The following NCAPH variants were observed in gnomAD, a reference collection of about 807,000 sequenced individuals.
NCAPH encodes condensin complex subunit 2.
A neutral mutation model predicts 85.5 loss-of-function variants in NCAPH; 38 were observed. The ratio of observed to expected loss-of-function variants is 0.44; its 90% CI spans 0.34 to 0.58. The LOEUF (loss-of-function observed/expected upper bound fraction) is 0.58. Ranked by LOEUF, NCAPH falls within the 20% of genes least tolerant of loss-of-function variation. The pLI is 0.01. For synonymous variants in NCAPH, 301 were observed against 335.1 expected (o/e 0.90, Z 1.11); for missense variants, 789 against 916.6 (o/e 0.86, Z 1.80).
chr2:96,360,705 A>G lies in NCAPH; in HGVS notation c.1582A>G (p.Thr528Ala). ...TLVQLHLKPG[T>A]RLLKMAQGHR... ...GGTCCAGCTTCACCTCAAACCAGGC[A>G]CCAGGGTAAGCCTATTTCTTGGTTC... The change falls in exon 12 of 18, where the codon ACC becomes GCC. Residue 528 changes from threonine to alanine, a missense_variant. By Grantham distance (58) the Thr-to-Ala change is moderately conservative. Transcript: ENST00000240423. 2 of 1,614,156 alleles carry G rather than the reference A, an allele frequency of 1.2e-6. No individual in the cohort carries two copies. The highest frequency in any genetic ancestry group is 1.7e-6 in the Non-Finnish European group (2 of 1,180,010).
chr2:96,367,584 G>A (rs558237822), intron 15 of NCAPH, among the ~76,000 whole-genome samples: 1 of 152,166 alleles, frequency 6.6e-6, no homozygotes, highest in Non-Finnish European at 1.5e-5. Flanking sequence ...GGAGTTTGAG[G>A]TTACAGTGAG....
chr2:96,366,674 C>T (rs959585398), intron 14 of NCAPH, among the ~76,000 whole-genome samples: 1 of 151,942 alleles, frequency 6.6e-6, no homozygotes, highest in Non-Finnish European at 1.5e-5. Flanking sequence ...GTCAGGAGTT[C>T]GAGACCAGCC....
At chr2:96,367,414 G>T in intron 15 of NCAPH, 41 bp downstream of exon 15, 1 of 1,454,254 alleles carries the variant, frequency 6.9e-7, no homozygotes. Flanking sequence ...CCAGCATGCG[G>T]GAGGGGAGTG....
At chr2:96,360,952 C>T (rs1011852225) in intron 12 of NCAPH, among the ~76,000 whole-genome samples, 2 of 151,920 alleles carry the variant, frequency 1.3e-5, no homozygotes, top group African/African-American at 4.8e-5. Flanking sequence ...CTGAAGCCTC[C>T]ATGCTGAAAT....
At chr2:96,340,089 AT>A (rs2064271425) in intron 1 of NCAPH, among the ~76,000 whole-genome samples, 2 of 151,696 alleles carry the variant, frequency 1.3e-5, no homozygotes, top group African/African-American at 4.8e-5. Flanking sequence ...CGTTCAGCTA[AT>A]TTTTGTATTT....
chr2:96,336,026 G>A (rs2064209028), intron 1 of NCAPH, among the ~76,000 whole-genome samples, 178 bp downstream of exon 1: 2 of 152,152 alleles, frequency 1.3e-5, no homozygotes, highest in Non-Finnish European at 2.9e-5. Context: ...CGCGGGGCGG[G>A]CGGACCTTGT....
chr2:96,373,081 G>A (rs1351895840), intron 17 of NCAPH, among the ~76,000 whole-genome samples: 4 of 152,084 alleles, frequency 2.6e-5, no homozygotes, highest in Non-Finnish European at 5.9e-5. Context: ...GAGAAGGCTT[G>A]CTTTTTGCTT....
chr2:96,361,806 G>GTGTA (rs1489438360), intron 12 of NCAPH, among the ~76,000 whole-genome samples: 4 of 76,778 alleles, frequency 5.2e-5, no homozygotes, highest in African/African-American at 9.1e-5. Context: ...ATATATATGT[G>GTGTA]TATATATATA....
chr2:96,343,071 G>A, intron 4 of NCAPH, 95 bp from the exon 5 acceptor site: 3 of 1,517,236 alleles, frequency 2.0e-6, no homozygotes, highest in South Asian at 2.5e-5. Flanking sequence ...GCTTCCTTGG[G>A]GCAAGTAAAT....
chr2:96,355,767 G>A (rs1300897195), intron 9 of NCAPH, among the ~76,000 whole-genome samples: 1 of 150,924 alleles, frequency 6.6e-6, no homozygotes, highest in Non-Finnish European at 1.5e-5. Context: ...TTAGCCTCCC[G>A]AGTAGCTGGG....
chr2:96,369,210 C>T (rs2064739612), intron 16 of NCAPH, 147 bp downstream of exon 16: 2 of 944,716 alleles, frequency 2.1e-6, no homozygotes, highest in East Asian at 2.6e-5. Context: ...TACAGACCAA[C>T]TTTTAAAAAG....
intron 6 of NCAPH, among the ~76,000 whole-genome samples, chr2:96,345,624 C>T (rs4907311): frequency 0.32 from 48,510 of 152,048 alleles, 8,260 homozygotes; most frequent in South Asian, 0.69. Flanking sequence ...ATGTCCCAGA[C>T]CCTGCATCAC....
intron 15 of NCAPH, among the ~76,000 whole-genome samples, 157 bp downstream of exon 15, chr2:96,367,530 C>G (rs1215324366): frequency 6.6e-6 from 1 of 152,196 alleles, no homozygotes; most frequent in Non-Finnish European, 1.5e-5. Flanking sequence ...CACGTGTAAT[C>G]CCAGCATTTT....
intron 9 of NCAPH, among the ~76,000 whole-genome samples, chr2:96,358,014 C>T (rs1457350938): frequency 1.3e-5 from 2 of 152,120 alleles, no homozygotes; most frequent in African/African-American, 4.8e-5. Flanking sequence ...AATCCTGACA[C>T]GCCTGTAATC....
rs1293788025 is a variant in NCAPH at position 96,374,730 on chromosome 2, A to G, written c.*1379A>G. 6.6e-6 allele frequency among the ~76,000 whole-genome samples: 1 copy of G among 152,200 alleles called. No homozygotes were observed. The highest frequency in any genetic ancestry group is 1.5e-5 in the Non-Finnish European group (1 of 68,030). Reference sequence around the variant, plus strand: ...AGAAAAAGCAGTGGTGCCACAGGTGAGACTCCACACTCTGTCTTGCTGGGG... The same window carrying G: ...AGAAAAAGCAGTGGTGCCACAGGTGGGACTCCACACTCTGTCTTGCTGGGG... On this transcript the variant is annotated 3_prime_UTR_variant, in exon 18 of 18. Coordinates refer to ENST00000240423, the MANE Select transcript of NCAPH (RefSeq NM_015341.5).
chr2:96,345,217 A>C (rs912064547), intron 6 of NCAPH, among the ~76,000 whole-genome samples: 1 of 152,156 alleles, frequency 6.6e-6, no homozygotes, highest in African/African-American at 2.4e-5. Context: ...ATGATCAACC[A>C]TGCCAAATGT....
chr2:96,343,191 G>C lies in NCAPH; in HGVS notation c.482G>C (p.Ser161Thr). ...FKVAAGTLDA[S>T]TKIYAVRVDA... is the part of the protein sequence containing the mutation. ...GTGGCTGCGGGTACTCTGGATGCCAGCACCAAGATCTATGCTGTGCGCGTG... is the reference window on the plus strand; with the variant it reads ...GTGGCTGCGGGTACTCTGGATGCCACCACCAAGATCTATGCTGTGCGCGTG... Residue 161 changes from serine to threonine, a missense_variant, in exon 5 of 18, where the codon AGC (serine) becomes ACC (threonine). Transcript: ENST00000240423. 6.2e-7 allele frequency: 1 copy of C among 1,614,018 alleles called. No individual in the cohort carries two copies. Among genetic ancestry groups the C allele is most frequent in the Non-Finnish European group, 8.5e-7 (1 of 1,179,946 alleles).
intron 6 of NCAPH, among the ~76,000 whole-genome samples, chr2:96,346,633 G>A (rs559845692): frequency 2.0e-5 from 3 of 152,238 alleles, no homozygotes; most frequent in African/African-American, 7.2e-5. Flanking sequence ...ATAATCAGTA[G>A]ATTGTAGGCC....
Position 96,369,734 on chromosome 2 carries a change from T to C in NCAPH, c.2166+234T>C, listed in dbSNP as rs142543052. On this transcript the variant is annotated intron_variant, in intron 17 of 17. Transcript: ENST00000240423. ...AGGACCCAAATAGTAAGATTTTAGA[T>C]GATGGAATTGTGATCGGTAAGTTCC... 5.9e-3 allele frequency among the ~76,000 whole-genome samples: 894 copies of C among 152,304 alleles called. 8 individuals carry two copies. The highest frequency in any genetic ancestry group is 0.034 in the Middle Eastern group (10 of 294).
Sources: allele counts gnomAD v4.1 joint callset (sites outside exome capture counted in the v4.1 genomes callset), GRCh38; gene constraint gnomAD v4.1.1; transcripts MANE v1.5; gene names NCBI Gene and HGNC (gene_info 2026-07-23, HGNC 2026-07-21).